The following BAIAP2L1 variants were observed in gnomAD, a reference collection of about 807,000 sequenced individuals.
BAIAP2L1 encodes the protein BAR/IMD domain containing adaptor protein 2 like 1, also known as BAR/IMD domain-containing adapter protein 2-like 1.
In BAIAP2L1, 35 loss-of-function variants were observed where a neutral mutation model predicts 66.3. That is an observed-to-expected ratio of 0.53 (90% CI 0.40 to 0.70). The LOEUF is 0.70. Among genes scored for constraint, BAIAP2L1 ranks in the 30% least tolerant of loss-of-function variants. The probability of loss-of-function intolerance (pLI) is 0.00; values close to 1 mark genes in which losing one functional copy is unlikely to be tolerated. For synonymous variants in BAIAP2L1, 269 were observed against 248.7 expected, an observed-to-expected ratio of 1.08 and a Z score of -0.77; for missense variants, 622 against 656.9, an observed-to-expected ratio of 0.95 and a Z score of 0.58.
chr7:98,341,186 C>T (rs1024482315), intron 3 of BAIAP2L1, among the ~76,000 whole-genome samples: 5 of 151,982 alleles, frequency 3.3e-5, no homozygotes, highest in Admixed American at 1.3e-4. Flanking sequence ...AGAAAAAAAG[C>T]TGGAATAATG....
At chr7:98,335,314 CATA>C (rs67400516) in intron 3 of BAIAP2L1, among the ~76,000 whole-genome samples, 61,068 of 151,518 alleles carry the variant, frequency 0.4, 13,194 homozygotes, top group Middle Eastern at 0.54. Flanking sequence ...TATTACATAT[CATA>C]CCCTGACACT....
At chr7:98,353,518 CAT>C (rs1311773684) in intron 3 of BAIAP2L1, among the ~76,000 whole-genome samples, 16 of 131,352 alleles carry the variant, frequency 1.2e-4, no homozygotes, top group Admixed American at 8.7e-4. Context: ...TATAAATACA[CAT>C]ATATTTATAA....
chr7:98,315,856 G>T (rs1385592736), intron 6 of BAIAP2L1, among the ~76,000 whole-genome samples: 1 of 152,170 alleles, frequency 6.6e-6, no homozygotes, highest in African/African-American at 2.4e-5. Context: ...GGGGCAATTT[G>T]CACAAATATT....
intron 2 of BAIAP2L1, among the ~76,000 whole-genome samples, chr7:98,358,474 C>CA (rs1421304379): frequency 6.6e-6 from 1 of 152,036 alleles, no homozygotes; most frequent in African/African-American, 2.4e-5. Context: ...CCTCCCACCT[C>CA]AGCCTCCTGA....
intron 3 of BAIAP2L1, among the ~76,000 whole-genome samples, chr7:98,342,867 A>G (rs984205556): frequency 1.3e-5 from 2 of 152,144 alleles, no homozygotes; most frequent in Non-Finnish European, 2.9e-5. Context: ...TTGATTTAGG[A>G]ACAAAACTGG....
intron 9 of BAIAP2L1, chr7:98,308,772 G>A (rs544949806): frequency 1.0e-4 from 16 of 157,226 alleles, no homozygotes; most frequent in African/African-American, 3.6e-4. Context: ...GGACTTCCCA[G>A]GCTTAAAGGA....
intron 6 of BAIAP2L1, 94 bp downstream of exon 6, chr7:98,317,118 GCTGGGAT>G: frequency 6.9e-7 from 1 of 1,454,086 alleles, no homozygotes; most frequent in Non-Finnish European, 9.5e-7. Flanking sequence ...CTCCCAAAGT[GCTGGGAT>G]TACAGGCGTG....
chr7:98,328,843 T>C (rs952820206), intron 3 of BAIAP2L1, among the ~76,000 whole-genome samples: 1 of 152,168 alleles, frequency 6.6e-6, no homozygotes, highest in Non-Finnish European at 1.5e-5. Flanking sequence ...TTTACACATA[T>C]CCATCTATAC....
chr7:98,335,308 ACATAT>A (rs1801592872), intron 3 of BAIAP2L1, among the ~76,000 whole-genome samples: 1 of 123,454 alleles, frequency 8.1e-6, no homozygotes, highest in Non-Finnish European at 2.0e-5. Context: ...TGGGGATATT[ACATAT>A]CATACCCTGA....
At chr7:98,384,413 G>T (rs1802835848) in intron 1 of BAIAP2L1, among the ~76,000 whole-genome samples, 2 of 152,106 alleles carry the variant, frequency 1.3e-5, no homozygotes, top group African/African-American at 4.8e-5. Flanking sequence ...GAGTATACTA[G>T]GCTGTTTGAC....
At chr7:98,360,415 C>G (rs1297530404) in intron 2 of BAIAP2L1, among the ~76,000 whole-genome samples, 1 of 152,082 alleles carries the variant, frequency 6.6e-6, no homozygotes, top group African/African-American at 2.4e-5. Flanking sequence ...TCACCAAGGA[C>G]TTTACACATT....
intron 1 of BAIAP2L1, among the ~76,000 whole-genome samples, chr7:98,395,578 G>A (rs544682211): frequency 6.6e-6 from 1 of 152,118 alleles, no homozygotes; most frequent in African/African-American, 2.4e-5. Context: ...TTCAGTTTGT[G>A]ACAATTTAGT....
At chr7:98,388,564 T>G (rs1024268804) in intron 1 of BAIAP2L1, among the ~76,000 whole-genome samples, 13 of 152,256 alleles carry the variant, frequency 8.5e-5, no homozygotes, top group African/African-American at 2.9e-4. Flanking sequence ...TGTTCCTGCA[T>G]TTATTGTTCA....
Position 98,293,471 on chromosome 7 carries a change from A to G in BAIAP2L1, c.*50T>C, listed in dbSNP as rs1466671632. The G allele has an allele frequency of 1.3e-6, 2 of 1,551,698 alleles. No homozygotes were observed. Among genetic ancestry groups the G allele is most frequent in the East Asian group, 2.2e-5 (1 of 44,492 alleles). On this transcript the variant is annotated 3_prime_UTR_variant, in exon 14 of 14. Transcript: ENST00000005260. Reference sequence around the variant, plus strand: ...ACGTGGCAGACAGGATGCGCCCATCATTCCGCAAGGGAGAACCGGAGAGGC... The same window carrying G: ...ACGTGGCAGACAGGATGCGCCCATCGTTCCGCAAGGGAGAACCGGAGAGGC...
At chr7:98,378,771 G>A (rs943918054) in intron 1 of BAIAP2L1, among the ~76,000 whole-genome samples, 21 of 151,912 alleles carry the variant, frequency 1.4e-4, no homozygotes, top group Non-Finnish European at 2.8e-4. Context: ...CAGCAGCTGG[G>A]ACTATAGGCA....
chr7:98,320,203 G>A (rs1801204654), intron 4 of BAIAP2L1, 34 bp downstream of exon 4: 2 of 1,586,482 alleles, frequency 1.3e-6, no homozygotes, highest in East Asian at 2.2e-5. Flanking sequence ...CCTGAAATGA[G>A]TGTATTTTGT....
intron 12 of BAIAP2L1, among the ~76,000 whole-genome samples, chr7:98,298,182 C>T (rs559222823): frequency 3.3e-5 from 5 of 152,240 alleles, no homozygotes; most frequent in South Asian, 2.1e-4. Flanking sequence ...TCTAATAAGA[C>T]GCGCCGTCAC....
intron 3 of BAIAP2L1, among the ~76,000 whole-genome samples, chr7:98,327,411 C>T (rs1478939903): frequency 2.6e-5 from 4 of 151,684 alleles, no homozygotes; most frequent in Admixed American, 6.6e-5. Context: ...TGGTGGCTCA[C>T]GCCTGTAATC....
At position 98,361,348 on chromosome 7, in the gene BAIAP2L1, CTCTG is replaced by C. The variant is rs1307756138; in HGVS notation, c.127+1005_127+1008del. 1.7e-4 allele frequency among the ~76,000 whole-genome samples: 26 copies of C among 149,976 alleles called. No homozygotes were observed. The South Asian group carries it at 1.9e-3, about 11-fold the overall frequency. ...CTCCAGCCTGGGCGACAGAGCAAGA[CTCTG>C]TCTGGGAAAAAAAAAAAGAAAGAAA... On this transcript the variant is annotated intron_variant, in intron 2 of 13. Coordinates refer to ENST00000005260, the MANE Select transcript of BAIAP2L1 (RefSeq NM_018842.5).
Sources: gnomAD v4.1 joint callset for allele counts (sites outside exome capture counted in the v4.1 genomes callset) on GRCh38, gnomAD v4.1.1 for gene constraint, MANE v1.5 for transcripts, NCBI Gene and HGNC (gene_info 2026-07-23, HGNC 2026-07-21) for gene names.